The following LIN9 variants were observed in gnomAD, a reference collection of about 807,000 sequenced individuals.
LIN9 encodes the protein protein lin-9 homolog.
Under a neutral mutation model 78.0 loss-of-function variants are expected in LIN9, and 18 were observed. That is an observed-to-expected ratio of 0.23 (90% CI 0.16 to 0.34). The LOEUF (loss-of-function observed/expected upper bound fraction) is 0.34, where lower values mean the gene tolerates loss of function less well. LIN9 is among the 10% of genes least tolerant of loss of function. LIN9 has a pLI of 1.00. For missense variants in LIN9, 451 were observed against 644.1 expected, an observed-to-expected ratio of 0.70 and a Z score of 3.25; for synonymous variants, 192 against 215.2, an observed-to-expected ratio of 0.89 and a Z score of 0.94.
chr1:226,237,493 G>A (rs1014365583), intron 12 of LIN9, among the ~76,000 whole-genome samples: 4 of 151,858 alleles, frequency 2.6e-5, no homozygotes, highest in African/African-American at 4.8e-5. Context: ...TTACCTGGGC[G>A]TGGTAATGCA....
In LIN9 at chr1:226,305,967, T is replaced by C. The variant is rs117434377; in HGVS notation, c.31+3142A>G. ...TGCTGATGGTAAGAAATGGGTAGAA[T>C]TGATAGATATTTAGAAGGTAAAATT... On this transcript the variant is annotated intron_variant, in intron 1 of 14. Transcript: ENST00000681046. Among the ~76,000 whole-genome samples, 640 of 152,134 alleles carry C rather than the reference T, an allele frequency of 4.2e-3. 26 individuals carry two copies. The South Asian group carries it at 0.077, about 18-fold the overall frequency.
intron 11 of LIN9, among the ~76,000 whole-genome samples, chr1:226,249,472 C>T (rs185471675): frequency 2.0e-5 from 3 of 152,256 alleles, no homozygotes; most frequent in African/African-American, 7.2e-5. Flanking sequence ...GCTGAAATCA[C>T]CTGACATTTT....
At chr1:226,250,752 T>C (rs1658779294) in intron 11 of LIN9, 87 bp downstream of exon 11, 1 of 688,976 alleles carries the variant, frequency 1.5e-6, no homozygotes, top group Non-Finnish European at 2.5e-6. Flanking sequence ...TTTCCTTCCA[T>C]AGATATTTTT....
At position 226,233,485 on chromosome 1, in the gene LIN9, T is replaced by C; in HGVS notation, c.1284A>G (p.Pro428=). ...CCTCACACCTGCGTCTCATATCTGT[T>C]GGCTGATCTGCAGGCTGGAGCCCCT... ...PDQGLQPADQ[P]TDMRRRCEEE... Residue 428 remains proline, a synonymous_variant, in exon 13 of 15, where the codon CCA becomes CCG. Transcript: ENST00000681046. 1 of 1,614,102 alleles carries C rather than the reference T, an allele frequency of 6.2e-7. No homozygotes were observed. Among genetic ancestry groups the C allele is most frequent in the Admixed American group, 1.7e-5 (1 of 59,972 alleles).
rs997182187 is a variant in LIN9 at position 226,234,410 on chromosome 1, C to T, written c.1246-887G>A. Among the ~76,000 whole-genome samples, 4 of 152,176 alleles carry T rather than the reference C, an allele frequency of 2.6e-5. No individual in the cohort carries two copies. The South Asian group carries it at 6.2e-4, about 24-fold the overall frequency. On this transcript the variant is annotated intron_variant, in intron 12 of 14. Coordinates refer to ENST00000681046, the MANE Select transcript of LIN9 (RefSeq NM_001366245.2). ...GAACTAGTATCAGTATGAACCCATA[C>T]TGACATAACTTTTATTCTATGGGTT...
intron 10 of LIN9, among the ~76,000 whole-genome samples, chr1:226,252,636 T>A (rs1470452822): frequency 6.6e-6 from 1 of 152,062 alleles, no homozygotes; most frequent in Admixed American, 6.5e-5. Context: ...ACATTTAAAT[T>A]TTTATAGATG....
chr1:226,305,526 T>C (rs1176454901), intron 1 of LIN9, among the ~76,000 whole-genome samples: 7 of 149,274 alleles, frequency 4.7e-5, no homozygotes, highest in African/African-American at 1.7e-4. Flanking sequence ...AAAGAAGACA[T>C]AATTTAGTCA....
At chr1:226,290,466 G>A (rs1161492638) in intron 4 of LIN9, among the ~76,000 whole-genome samples, 4 of 151,248 alleles carry the variant, frequency 2.6e-5, no homozygotes, top group Non-Finnish European at 4.4e-5. Flanking sequence ...TCAGCCTCCC[G>A]AGTAGCTGGG....
intron 6 of LIN9, 145 bp downstream of exon 6, chr1:226,286,188 G>A: frequency 7.3e-6 from 5 of 680,948 alleles, no homozygotes; most frequent in Middle Eastern, 7.4e-4. Context: ...ACTATTCACA[G>A]GTGTAATCAC....
At chr1:226,271,509 A>G (rs1288004925) in intron 7 of LIN9, among the ~76,000 whole-genome samples, 1 of 152,202 alleles carries the variant, frequency 6.6e-6, no homozygotes, top group South Asian at 2.1e-4. Context: ...AGTATATGGT[A>G]TATGTCGATA....
intron 4 of LIN9, among the ~76,000 whole-genome samples, chr1:226,294,667 A>G (rs979358910): frequency 1.3e-5 from 2 of 152,200 alleles, no homozygotes; most frequent in Non-Finnish European, 2.9e-5. Flanking sequence ...TTGTTTTATA[A>G]GGCTTTGGAA....
At chr1:226,243,630 A>ACTAC (rs1005965370) in intron 11 of LIN9, among the ~76,000 whole-genome samples, 274 of 136,752 alleles carry the variant, frequency 2.0e-3, no homozygotes, top group Non-Finnish European at 1.8e-3. Flanking sequence ...CAGGAGGTAG[A>ACTAC]GGTTGCAGTA....
intron 6 of LIN9, among the ~76,000 whole-genome samples, chr1:226,283,809 A>T (rs1661224986): frequency 6.6e-6 from 1 of 151,966 alleles, no homozygotes; most frequent in Non-Finnish European, 1.5e-5. Flanking sequence ...TTAGCCAGGC[A>T]TGGTGGCGGG....
chr1:226,237,035 G>A (rs1313281176), intron 12 of LIN9, among the ~76,000 whole-genome samples: 1 of 152,162 alleles, frequency 6.6e-6, no homozygotes, highest in African/African-American at 2.4e-5. Flanking sequence ...TAGTCATGGT[G>A]TTCTCTCTGA....
chr1:226,267,899 C>T (rs1660034228), intron 8 of LIN9, 58 bp downstream of exon 8: 3 of 1,496,766 alleles, frequency 2.0e-6, no homozygotes, highest in East Asian at 2.3e-5. Flanking sequence ...TCTAAAAAAA[C>T]TCTATATAAC....
intron 8 of LIN9, 33 bp from the exon 9 acceptor site, chr1:226,266,365 G>A (rs776313553): frequency 7.0e-5 from 109 of 1,560,640 alleles, no homozygotes; most frequent in Non-Finnish European, 8.5e-5. Flanking sequence ...AAAACTTAAA[G>A]AAATTTACCA....
chr1:226,281,429 CTA>C (rs1661044241), intron 6 of LIN9, among the ~76,000 whole-genome samples: 1 of 152,000 alleles, frequency 6.6e-6, no homozygotes, highest in African/African-American at 2.4e-5. Flanking sequence ...AATTTATTGA[CTA>C]TTTTTTGTTT....
intron 7 of LIN9, among the ~76,000 whole-genome samples, chr1:226,271,529 T>C (rs1660276989): frequency 6.6e-6 from 1 of 152,202 alleles, no homozygotes; most frequent in Non-Finnish European, 1.5e-5. Flanking sequence ...AAACAAGCCA[T>C]TTGCCTATGT....
At chr1:226,236,699 C>T (rs529836028) in intron 12 of LIN9, among the ~76,000 whole-genome samples, 6 of 152,264 alleles carry the variant, frequency 3.9e-5, no homozygotes, top group Non-Finnish European at 7.4e-5. Flanking sequence ...CCTCGTGATC[C>T]GCCTGCCTTG....
Sources: gnomAD v4.1 joint callset for allele counts (sites outside exome capture counted in the v4.1 genomes callset) on GRCh38, gnomAD v4.1.1 for gene constraint, MANE v1.5 for transcripts, NCBI Gene and HGNC (gene_info 2026-07-23, HGNC 2026-07-21) for gene names.